SYT13: variants seen among roughly 807,000 people sequenced by gnomAD.
SYT13 encodes synaptotagmin-13.
SYT13 carries 21 observed loss-of-function variants against 38.6 expected under a neutral mutation model. The observed-to-expected ratio is 0.54, with a 90% confidence interval of 0.39 to 0.78. The LOEUF (loss-of-function observed/expected upper bound fraction) is 0.78, where lower values mean the gene tolerates loss of function less well. Ranked by LOEUF, SYT13 falls within the 30% of genes least tolerant of loss-of-function variation. The pLI, the probability that SYT13 is intolerant of heterozygous loss-of-function variation, is 0.00. For missense variants in SYT13, 495 were observed against 548.7 expected (o/e 0.90, Z 0.98); for synonymous variants, 241 against 237.6 (o/e 1.01, Z -0.13).
At chr11:45,251,211 A>AT (rs1854669703) in intron 4 of SYT13, among the ~76,000 whole-genome samples, 2 of 151,908 alleles carry the variant, frequency 1.3e-5, no homozygotes, top group Non-Finnish European at 2.9e-5. Context: ...CAACATGGTG[A>AT]AACCCTGTCT....
chr11:45,247,629 C>T (rs749125536), intron 4 of SYT13, among the ~76,000 whole-genome samples: 1 of 152,214 alleles, frequency 6.6e-6, no homozygotes, highest in Non-Finnish European at 1.5e-5. Context: ...CCTTCTGTCA[C>T]ACCCAGGATG....
At chr11:45,283,726 C>A (rs1403820868) in intron 1 of SYT13, among the ~76,000 whole-genome samples, 1 of 152,220 alleles carries the variant, frequency 6.6e-6, no homozygotes, top group African/African-American at 2.4e-5. Context: ...TATTGTGCCC[C>A]TATTGAGCTT....
chr11:45,281,498 T>C (rs1855072993), intron 1 of SYT13, among the ~76,000 whole-genome samples: 1 of 152,096 alleles, frequency 6.6e-6, no homozygotes, highest in Non-Finnish European at 1.5e-5. Context: ...AAGCCTCACC[T>C]CTACCAAAAA....
rs1490798421 is a variant in SYT13, at chr11:45,241,086, C to T, written c.*2966G>A. 1 of 152,138 alleles carries T rather than the reference C, an allele frequency of 6.6e-6. No individual in the cohort carries two copies. Among genetic ancestry groups the T allele is most frequent in the East Asian group, 1.9e-4 (1 of 5,198 alleles). 9.4% of individuals were successfully genotyped at this position (152,138 alleles called of 1,614,324 possible). A position where few individuals can be genotyped will look rare whatever the true frequency, so the allele number is the denominator to read the frequency against. ...TTATATTCTCTTCATCTGTTGATTA[C>T]ATTTACATGGAGAGCAATGAGTTGC... On this transcript the variant is annotated 3_prime_UTR_variant, in exon 6 of 6. Coordinates refer to ENST00000020926, the MANE Select transcript of SYT13 (RefSeq NM_020826.3).
In SYT13 at chr11:45,251,345, C is replaced by T. The variant is rs192079557; in HGVS notation, c.846+1076G>A. Among the ~76,000 whole-genome samples the T allele has an allele frequency of 3.8e-3, 543 of 144,224 alleles. 4 individuals are homozygous for T. The highest frequency in any genetic ancestry group is 0.02 in the Admixed American group (284 of 14,128). 94.6% of individuals were successfully genotyped at this position (144,224 alleles called of 152,430 possible). A position where few individuals can be genotyped will look rare whatever the true frequency, so the allele number is the denominator to read the frequency against. ...CAGAGGTTGCAGTGAGCCGAGATCG[C>T]GCCACTGCACTCCAGCCTGGCAACA... On this transcript the variant is annotated intron_variant, in intron 4 of 5. Transcript: ENST00000020926.
chr11:45,252,870 C>A lies in SYT13; in HGVS notation c.545-148G>T. Reference sequence around the variant, plus strand: ...CTGACCACCCTGGGCACCAGGGAATCGCCTTTCAGTGAGACATTTAGAAAT... The same window carrying A: ...CTGACCACCCTGGGCACCAGGGAATAGCCTTTCAGTGAGACATTTAGAAAT... On this transcript the variant is annotated intron_variant, in intron 3 of 5. Transcript: ENST00000020926. This position sits in a 1 kb window ranked among gnomAD's most constrained non-coding sequence, Gnocchi z 4.3. 1.4e-6 allele frequency: 1 copy of A among 713,450 alleles called. No individual in the cohort carries two copies. 44.2% of individuals were successfully genotyped at this position (713,450 alleles called of 1,614,324 possible).
chr11:45,259,450 G>A (rs1211034843), intron 1 of SYT13, among the ~76,000 whole-genome samples: 3 of 152,182 alleles, frequency 2.0e-5, no homozygotes, highest in Admixed American at 6.5e-5. Context: ...GTTGCCTCAA[G>A]TCTTGACACT....
chr11:45,254,211 C>A, intron 3 of SYT13, 59 bp downstream of exon 3: 1 of 1,544,518 alleles, frequency 6.5e-7, no homozygotes, highest in Admixed American at 1.9e-5. Flanking sequence ...CCTGCCTGCA[C>A]AGCTTCTCCA....
rs966272621 is a variant in SYT13 at position 45,243,126 on chromosome 11, T to A, written c.*926A>T. The stretch of plus-strand genomic sequence containing the variant: ...CATCTAGCAATCAGAACCCAGCCAA[T>A]GACTCACAGGAGATCCCACCTGTAC... On this transcript the variant is annotated 3_prime_UTR_variant, in exon 6 of 6. Coordinates refer to ENST00000020926, the MANE Select transcript of SYT13 (RefSeq NM_020826.3). 6.6e-6 allele frequency: 1 copy of A among 152,158 alleles called. No individual in the cohort carries two copies. The highest frequency in any genetic ancestry group is 1.5e-5 in the Non-Finnish European group (1 of 68,028). The allele number at this position is 152,158 out of a possible 1,614,324, so 9.4% of individuals were successfully genotyped here.
At chr11:45,266,299 G>A (rs1282350999) in intron 1 of SYT13, among the ~76,000 whole-genome samples, 1 of 152,144 alleles carries the variant, frequency 6.6e-6, no homozygotes, top group Non-Finnish European at 1.5e-5. Context: ...GTACTCTAGG[G>A]AAGAGGAAGC....
Position 45,269,635 on chromosome 11 carries a change from C to T in SYT13, c.184-13744G>A, listed in dbSNP as rs866997922. Reference sequence around the variant, plus strand: ...AAAAATAACCTAATTATTTTTACTACAGAGGAGGAAACTGAGGCTCAGAGA... The same window carrying T: ...AAAAATAACCTAATTATTTTTACTATAGAGGAGGAAACTGAGGCTCAGAGA... On this transcript the variant is annotated intron_variant, in intron 1 of 5. Transcript: ENST00000020926. The T allele has an allele frequency of 5.6e-5, 22 of 392,862 alleles. No individual in the cohort carries two copies. The East Asian group carries it at 1.2e-3, about 21-fold the overall frequency. The allele number at this position is 392,862 out of a possible 1,614,324, so 24.3% of individuals were successfully genotyped here.
At chr11:45,268,392 G>GGGGGGT (rs1434505278) in intron 1 of SYT13, among the ~76,000 whole-genome samples, 1 of 151,850 alleles carries the variant, frequency 6.6e-6, no homozygotes, top group East Asian at 1.9e-4. Flanking sequence ...GTTGAGTGGT[G>GGGGGGT]GGGGGTGGGG....
intron 1 of SYT13, among the ~76,000 whole-genome samples, chr11:45,259,226 TA>T (rs1854787553): frequency 6.6e-6 from 1 of 152,094 alleles, no homozygotes; most frequent in African/African-American, 2.4e-5. Flanking sequence ...ACACCTGACT[TA>T]AAGTCACCCT....
At position 45,252,023 on chromosome 11, in the gene SYT13, C is replaced by T. The variant is rs1440758377; in HGVS notation, c.846+398G>A. 1.3e-5 allele frequency among the ~76,000 whole-genome samples: 2 copies of T among 152,166 alleles called. No individual in the cohort carries two copies. Among genetic ancestry groups the T allele is most frequent in the African/African-American group, 4.8e-5 (2 of 41,446 alleles). On this transcript the variant is annotated intron_variant, in intron 4 of 5. Transcript: ENST00000020926. This position sits in a 1 kb window ranked among gnomAD's most constrained non-coding sequence, Gnocchi z 4.3. ...ACACTCCTGAGTGGTGGGGCTCCAC[C>T]CTTCATGCTCACCTACACAAACGGA...
At chr11:45,282,768 T>G (rs1449134704) in intron 1 of SYT13, among the ~76,000 whole-genome samples, 1 of 152,220 alleles carries the variant, frequency 6.6e-6, no homozygotes, top group African/African-American at 2.4e-5. Flanking sequence ...GTGAAAATAA[T>G]GATGTCATTT....
intron 1 of SYT13, among the ~76,000 whole-genome samples, chr11:45,279,848 G>A (rs1292902139): frequency 6.6e-6 from 1 of 152,116 alleles, no homozygotes; most frequent in Non-Finnish European, 1.5e-5. Context: ...TTCCAGGAGT[G>A]GGGTTAGCAA....
At chr11:45,259,943 C>T (rs113108499) in intron 1 of SYT13, among the ~76,000 whole-genome samples, 43 of 152,376 alleles carry the variant, frequency 2.8e-4, no homozygotes, top group Middle Eastern at 3.4e-3. Context: ...ATCTGTCTTG[C>T]TTCTGCATTT....
At chr11:45,268,135 C>T (rs1408804773) in intron 1 of SYT13, among the ~76,000 whole-genome samples, 1 of 152,152 alleles carries the variant, frequency 6.6e-6, no homozygotes, top group African/African-American at 2.4e-5. Context: ...CCCCTCCCAA[C>T]CCGGCCAGGA....
At position 45,249,691 on chromosome 11, in the gene SYT13, T is replaced by C. The variant is rs576673942; in HGVS notation, c.846+2730A>G. 1.4e-4 allele frequency among the ~76,000 whole-genome samples: 21 copies of C among 152,216 alleles called. 1 individual carries two copies. The East Asian group carries it at 2.1e-3, about 15-fold the overall frequency. On this transcript the variant is annotated intron_variant, in intron 4 of 5. Transcript: ENST00000020926. ...ACATGTTCTCACTCTTAGGTGGGAA[T>C]TGAACAATGAGATCACTTGGACACA...
Sources: gnomAD v4.1 joint callset for allele counts (sites outside exome capture counted in the v4.1 genomes callset) on GRCh38, gnomAD v4.1.1 for gene constraint, Gnocchi (gnomAD v3.1) non-coding constraint, MANE v1.5 for transcripts, NCBI Gene and HGNC (gene_info 2026-07-23, HGNC 2026-07-21) for gene names.